Variants in AXIN1 observed in about 807,000 individuals in gnomAD.
The protein encoded by AXIN1 is axin-1.
AXIN1 carries 30 observed loss-of-function variants against 76.4 expected under a neutral mutation model. That is an observed-to-expected ratio of 0.39 (90% CI 0.29 to 0.53). The LOEUF (loss-of-function observed/expected upper bound fraction) is 0.53. Ranked by LOEUF, AXIN1 falls within the 20% of genes least tolerant of loss-of-function variation. AXIN1 has a pLI of 0.66. For synonymous variants in AXIN1, 545 were observed against 501.4 expected (o/e 1.09, Z -1.16); for missense variants, 1,140 against 1,198.8 (o/e 0.95, Z 0.72).
At chr16:348,277 C>T (rs2054072346) in intron 1 of AXIN1, among the ~76,000 whole-genome samples, 1 of 152,178 alleles carries the variant, frequency 6.6e-6, no homozygotes, top group African/African-American at 2.4e-5. Flanking sequence ...CTAAAAGGGG[C>T]TGGAGAGAGG....
chr16:323,007 GAGAGCCA>G (rs2053492254), intron 2 of AXIN1, among the ~76,000 whole-genome samples: 1 of 152,204 alleles, frequency 6.6e-6, no homozygotes, highest in African/African-American at 2.4e-5. Flanking sequence ...TCCCAAAACT[GAGAGCCA>G]AGCGTGGCTC....
At chr16:345,669 G>C (rs1481667929) in intron 2 of AXIN1, among the ~76,000 whole-genome samples, 2 of 151,280 alleles carry the variant, frequency 1.3e-5, no homozygotes, top group Non-Finnish European at 2.9e-5. Context: ...AGCTGAGATT[G>C]TACCATTGCA....
Position 293,068 on chromosome 16 carries a change from C to T in AXIN1, c.2186+420G>A. 8.1e-6 allele frequency: 2 copies of T among 247,986 alleles called. No individual in the cohort carries two copies. The highest frequency in any genetic ancestry group is 1.6e-5 in the Non-Finnish European group (2 of 126,628). 15.4% of individuals were successfully genotyped at this position (247,986 alleles called of 1,614,324 possible). A position where few individuals can be genotyped will look rare whatever the true frequency, so the allele number is the denominator to read the frequency against. The stretch of plus-strand genomic sequence containing the variant: ...GTAGCTTTCCGACCGTGCAGAGCCA[C>T]TCAGGGCTCCTGGGACGCAACTGTC... On this transcript the variant is annotated intron_variant, in intron 8 of 10. Transcript: ENST00000262320. This position sits in a 1 kb window ranked among gnomAD's most constrained non-coding sequence, Gnocchi z 4.6.
chr16:341,161 G>A (rs1215625315), intron 2 of AXIN1, among the ~76,000 whole-genome samples: 1 of 152,286 alleles, frequency 6.6e-6, no homozygotes, highest in Non-Finnish European at 1.5e-5. Context: ...CTCTCACTTT[G>A]GTGGCACTTG....
chr16:291,191 C>G lies in AXIN1; in HGVS notation c.2293G>C (p.Glu765Gln), dbSNP rs1307835964. 1 of 1,580,330 alleles carries G rather than the reference C, an allele frequency of 6.3e-7. No individual in the cohort carries two copies. The highest frequency in any genetic ancestry group is 1.2e-5 in the South Asian group (1 of 86,782). ...AVSDMELSETETRSQRKVGGG... is the reference protein window; with the variant it reads ...AVSDMELSETQTRSQRKVGGG... ...GGAGGACCCTCAGGACGCACGTACT[C>G]TGTCTCGGAGAGCTCCATGTCCGAC... The change falls in exon 9 of 11, where the codon GAG (glutamate) becomes CAG (glutamine). Residue 765 changes from glutamate (E) to glutamine (Q), a missense_variant and splice_region_variant. Glu to Gln is a conservative substitution (Grantham distance 29, BLOSUM62 2). This residue lies in a region of AXIN1 where 429 missense variants were observed against 405.8 expected (regional missense o/e 1.06). Transcript: ENST00000262320.
intron 1 of AXIN1, 57 bp from the exon 2 acceptor site, chr16:347,163 C>T (rs2054050170): frequency 1.3e-6 from 2 of 1,486,566 alleles, no homozygotes; most frequent in Non-Finnish European, 1.8e-6. Context: ...GAAACACGAC[C>T]AGAGGTTTTC....
chr16:347,448 C>G (rs939167570), intron 1 of AXIN1, among the ~76,000 whole-genome samples: 4 of 152,312 alleles, frequency 2.6e-5, no homozygotes, highest in Admixed American at 2.6e-4. Context: ...ACAGGGAAGG[C>G]AGGAAGACCG....
intron 2 of AXIN1, among the ~76,000 whole-genome samples, chr16:341,798 A>C (rs2053928862): frequency 6.6e-6 from 1 of 152,200 alleles, no homozygotes; most frequent in South Asian, 2.1e-4. Context: ...AAGGTTTGTA[A>C]ACACACCAAT....
At chr16:350,222 A>G (rs1012596927) in intron 1 of AXIN1, among the ~76,000 whole-genome samples, 11 of 152,172 alleles carry the variant, frequency 7.2e-5, no homozygotes, top group Non-Finnish European at 1.6e-4. Context: ...ACCCCTCTAC[A>G]AGCTACTGAT....
At chr16:306,607 G>A (rs913956092) in intron 4 of AXIN1, among the ~76,000 whole-genome samples, 1 of 152,224 alleles carries the variant, frequency 6.6e-6, no homozygotes, top group African/African-American at 2.4e-5. Context: ...ACTGGACACA[G>A]GGGCCACACA....
intron 5 of AXIN1, 149 bp from the exon 6 acceptor site, chr16:298,400 A>G (rs2052778709): frequency 2.1e-6 from 2 of 955,954 alleles, no homozygotes; most frequent in Non-Finnish European, 3.2e-6. Flanking sequence ...CCTGTCCCTG[A>G]GGATGGAGAG....
At chr16:311,898 C>A (rs561270272) in intron 3 of AXIN1, among the ~76,000 whole-genome samples, 1 of 152,304 alleles carries the variant, frequency 6.6e-6, no homozygotes, top group South Asian at 2.1e-4. Context: ...AGCGCCCGAC[C>A]CAGGGCTGCG....
At chr16:339,836 C>T (rs2053880513) in intron 2 of AXIN1, among the ~76,000 whole-genome samples, 1 of 152,178 alleles carries the variant, frequency 6.6e-6, no homozygotes, top group Admixed American at 6.5e-5. Flanking sequence ...GCAGAGGTCC[C>T]CTTAACAAGA....
chr16:325,524 A>C (rs1296661270), intron 2 of AXIN1, among the ~76,000 whole-genome samples: 1 of 152,246 alleles, frequency 6.6e-6, no homozygotes, highest in Non-Finnish European at 1.5e-5. Flanking sequence ...GCCAGGCCAC[A>C]GCCAGCGCCC....
Position 308,592 on chromosome 16 carries a change from G to A in AXIN1, c.1116+1381C>T, listed in dbSNP as rs79717976. Among the ~76,000 whole-genome samples the A allele has an allele frequency of 2.6e-3, 403 of 152,364 alleles. 1 individual carries two copies. The highest frequency in any genetic ancestry group is 9.2e-3 in the African/African-American group (384 of 41,584). On this transcript the variant is annotated intron_variant, in intron 4 of 10. Transcript: ENST00000262320. Reference sequence around the variant, plus strand: ...TCTCTCGGGCCTCCGTCATCCCAGCGGCTCCGCGGGTTCTTGACGTTCAGG... The same window carrying A: ...TCTCTCGGGCCTCCGTCATCCCAGCAGCTCCGCGGGTTCTTGACGTTCAGG...
At chr16:299,316 C>T (rs2141521920) in intron 5 of AXIN1, 4 of 858,704 alleles carry the variant, frequency 4.7e-6, no homozygotes, top group Non-Finnish European at 5.6e-6. Flanking sequence ...GGTGTCAATA[C>T]AAAAGAAAGA....
At chr16:341,586 G>C (rs1414065178) in intron 2 of AXIN1, among the ~76,000 whole-genome samples, 1 of 152,198 alleles carries the variant, frequency 6.6e-6, no homozygotes, top group East Asian at 1.9e-4. Flanking sequence ...TCTCCCCGAC[G>C]AGCGCCCGGT....
chr16:308,774 T>C (rs1041799720), intron 4 of AXIN1, among the ~76,000 whole-genome samples: 1 of 152,200 alleles, frequency 6.6e-6, no homozygotes, highest in Non-Finnish European at 1.5e-5. Flanking sequence ...CAGCCTACAG[T>C]GTCAGCCACT....
chr16:339,696 C>T (rs1157687031), intron 2 of AXIN1, among the ~76,000 whole-genome samples: 1 of 151,692 alleles, frequency 6.6e-6, no homozygotes, highest in Non-Finnish European at 1.5e-5. Context: ...AAAAAAAATT[C>T]TCTTCAGATC....
Sources: gnomAD v4.1 joint callset for allele counts (sites outside exome capture counted in the v4.1 genomes callset) on GRCh38, gnomAD v4.1.1 for gene constraint, gnomAD v4.1.1 regional missense constraint, Gnocchi (gnomAD v3.1) non-coding constraint, MANE v1.5 for transcripts, NCBI Gene and HGNC (gene_info 2026-07-23, HGNC 2026-07-21) for gene names.